Variants in CPNE4 observed in about 807,000 individuals in gnomAD.
CPNE4 encodes the protein copine 4.
Under a neutral mutation model 67.9 loss-of-function variants are expected in CPNE4, and 25 were observed. The ratio of observed to expected loss-of-function variants is 0.37; its 90% CI spans 0.27 to 0.51. The LOEUF (loss-of-function observed/expected upper bound fraction) is 0.51. Ranked by LOEUF, CPNE4 falls within the 20% of genes least tolerant of loss-of-function variation. The pLI, the probability that CPNE4 is intolerant of heterozygous loss-of-function variation, is 0.93. For missense variants in CPNE4, 464 were observed against 690.8 expected (o/e 0.67, Z 3.68); for synonymous variants, 242 against 244.9 (o/e 0.99, Z 0.11).
Position 131,659,682 on chromosome 3 carries a change from C to T in CPNE4, c.681+9993G>A, listed in dbSNP as rs569020520. 1.8e-4 allele frequency among the ~76,000 whole-genome samples: 28 copies of T among 152,226 alleles called. 1 individual carries two copies. The highest frequency in any genetic ancestry group is 1.2e-3 in the Admixed American group (19 of 15,284). On this transcript the variant is annotated intron_variant, in intron 7 of 15. Transcript: ENST00000429747. ...ATAAAACAGTTTGGCCAGGTTGTAC[C>T]ATCTCTTTTGGCCTCTTCCCTCATA...
At chr3:131,982,984 A>G (rs2107639112) in intron 1 of CPNE4, among the ~76,000 whole-genome samples, 1 of 152,176 alleles carries the variant, frequency 6.6e-6, no homozygotes, top group Non-Finnish European at 1.5e-5. Flanking sequence ...AGATGAGACA[A>G]TTATCTTTTA....
intron 2 of CPNE4, among the ~76,000 whole-genome samples, chr3:131,781,353 T>A (rs974151408): frequency 6.6e-6 from 1 of 152,126 alleles, no homozygotes; most frequent in Non-Finnish European, 1.5e-5. Flanking sequence ...TTCATAAAGA[T>A]GATGATGGCA....
intron 1 of CPNE4, among the ~76,000 whole-genome samples, chr3:131,973,077 G>T (rs907634940): frequency 6.6e-6 from 1 of 152,198 alleles, no homozygotes; most frequent in Non-Finnish European, 1.5e-5. Flanking sequence ...ATCCCAACTG[G>T]TTGTAACAGC....
chr3:131,773,351 A>AT (rs1553768675), intron 2 of CPNE4, among the ~76,000 whole-genome samples: 1 of 151,284 alleles, frequency 6.6e-6, no homozygotes. Context: ...AGTTTTATTT[A>AT]TTATTTATTT....
At chr3:132,000,847 TAA>T (rs147138241) in intron 1 of CPNE4, among the ~76,000 whole-genome samples, 71 of 138,448 alleles carry the variant, frequency 5.1e-4, no homozygotes, top group South Asian at 3.0e-3. Context: ...CCATGTTTCT[TAA>T]AAAAAAAAAA....
chr3:131,964,474 G>C (rs558752454), intron 1 of CPNE4, among the ~76,000 whole-genome samples: 13 of 151,916 alleles, frequency 8.6e-5, no homozygotes, highest in Non-Finnish European at 1.6e-4. Flanking sequence ...TAAGAACCTT[G>C]ATAAAAGGTT....
chr3:131,816,057 C>T (rs1461191054), intron 2 of CPNE4, among the ~76,000 whole-genome samples: 1 of 152,098 alleles, frequency 6.6e-6, no homozygotes, highest in East Asian at 1.9e-4. Flanking sequence ...GCAGTTAGCT[C>T]GTGAGGTTAG....
intron 1 of CPNE4, among the ~76,000 whole-genome samples, chr3:131,978,188 A>AAT (rs1272405871): frequency 1.8e-5 from 1 of 56,668 alleles, no homozygotes; most frequent in African/African-American, 1.2e-4. Flanking sequence ...TATATATAAT[A>AAT]TATTTATAAT....
chr3:131,611,890 G>A (rs566820729), intron 7 of CPNE4, among the ~76,000 whole-genome samples: 1 of 151,986 alleles, frequency 6.6e-6, no homozygotes, highest in Non-Finnish European at 1.5e-5. Flanking sequence ...CCCAAGTCAC[G>A]ACAAATAAGC....
intron 15 of CPNE4, among the ~76,000 whole-genome samples, chr3:131,542,305 C>A: frequency 6.6e-6 from 1 of 152,050 alleles, no homozygotes; most frequent in East Asian, 1.9e-4. Context: ...TAGCATGGCT[C>A]CTGATCTGTA....
intron 2 of CPNE4, among the ~76,000 whole-genome samples, chr3:131,808,299 CA>C (rs1187635416): frequency 6.6e-6 from 1 of 152,150 alleles, no homozygotes; most frequent in Non-Finnish European, 1.5e-5. Context: ...TTAGAACTCT[CA>C]GACAGAGGAT....
intron 1 of CPNE4, among the ~76,000 whole-genome samples, chr3:131,978,790 C>T (rs1471220049): frequency 1.3e-5 from 2 of 150,740 alleles, no homozygotes; most frequent in South Asian, 2.1e-4. Context: ...CTTACAGTGT[C>T]GGTCTGTGCT....
chr3:131,779,073 A>C (rs937757394), intron 2 of CPNE4, among the ~76,000 whole-genome samples: 1 of 152,116 alleles, frequency 6.6e-6, no homozygotes, highest in Non-Finnish European at 1.5e-5. Flanking sequence ...ACAAGAATGC[A>C]ATCCCATTCA....
chr3:131,746,594 G>A (rs2082494747), intron 2 of CPNE4, among the ~76,000 whole-genome samples: 1 of 152,118 alleles, frequency 6.6e-6, no homozygotes, highest in Non-Finnish European at 1.5e-5. Flanking sequence ...TGTCACAAAT[G>A]ACAGAAATTC....
rs77617504 is a variant in CPNE4, at chr3:131,799,823, A to G, written c.181-76198T>C. Reference sequence around the variant, plus strand: ...AGCAGTTAGAGTTATTGCTGTCTCTATCATCAAAGAACAAGTGTAATAGAG... The same window carrying G: ...AGCAGTTAGAGTTATTGCTGTCTCTGTCATCAAAGAACAAGTGTAATAGAG... On this transcript the variant is annotated intron_variant, in intron 2 of 15. Transcript: ENST00000429747. 6.6e-5 allele frequency among the ~76,000 whole-genome samples: 10 copies of G among 152,172 alleles called. No homozygotes were observed. The East Asian group carries it at 1.7e-3, about 27-fold the overall frequency.
chr3:131,562,953 A>C (rs1936857678), intron 11 of CPNE4, among the ~76,000 whole-genome samples: 1 of 152,140 alleles, frequency 6.6e-6, no homozygotes, highest in South Asian at 2.1e-4. Context: ...AAGCTCTTTG[A>C]TTTTACTGGA....
chr3:131,861,681 C>G (rs2086694300), intron 2 of CPNE4, among the ~76,000 whole-genome samples: 1 of 152,164 alleles, frequency 6.6e-6, no homozygotes. Context: ...GATCCACCGG[C>G]CTCGGCCTCA....
chr3:131,757,573 G>A (rs1480319612), intron 2 of CPNE4, among the ~76,000 whole-genome samples: 1 of 152,224 alleles, frequency 6.6e-6, no homozygotes, highest in South Asian at 2.1e-4. Context: ...CAGCTTGACA[G>A]TGCAATAGAA....
At chr3:131,786,620 G>T (rs934733549) in intron 2 of CPNE4, among the ~76,000 whole-genome samples, 3 of 152,118 alleles carry the variant, frequency 2.0e-5, no homozygotes, top group Admixed American at 6.6e-5. Flanking sequence ...AAGGCACCTA[G>T]GGTAAAGCAG....
Sources: allele counts gnomAD v4.1 joint callset (sites outside exome capture counted in the v4.1 genomes callset), GRCh38; gene constraint gnomAD v4.1.1; transcripts MANE v1.5; gene names NCBI Gene and HGNC (gene_info 2026-07-23, HGNC 2026-07-21).